Variants in EYS observed in about 807,000 individuals in gnomAD.
EYS encodes the protein EGF-like photoreceptor maintenance factor.
Under a neutral mutation model 282.1 loss-of-function variants are expected in EYS, and 250 were observed. That is an observed-to-expected ratio of 0.89 (90% CI 0.80 to 0.98). The LOEUF is 0.98. Ranked by LOEUF, EYS falls within the 50% of genes least tolerant of loss-of-function variation. The pLI, the probability that EYS is intolerant of heterozygous loss-of-function variation, is 0.00. For synonymous variants in EYS, 1,355 were observed against 1,282.9 expected (o/e 1.06, Z -1.20); for missense variants, 4,016 against 3,709.0 (o/e 1.08, Z -2.15).
Position 64,734,788 on chromosome 6 carries a change from A to G in EYS, c.3443+78590T>C, listed in dbSNP as rs74926895. On this transcript the variant is annotated intron_variant, in intron 22 of 42. Coordinates refer to ENST00000503581, the MANE Select transcript of EYS (RefSeq NM_001142800.2). ...GGAAGGGGTATTACTGTGCCCTCTC[A>G]GAAATAAAGAACAAAATCAAGAACA... Among the ~76,000 whole-genome samples, 3 of 152,314 alleles carry G rather than the reference A, an allele frequency of 2.0e-5. No homozygotes were observed. The East Asian group carries it at 5.8e-4, about 29-fold the overall frequency.
intron 12 of EYS, among the ~76,000 whole-genome samples, chr6:65,126,055 T>C (rs576376546): frequency 6.6e-6 from 1 of 152,258 alleles, no homozygotes; most frequent in South Asian, 2.1e-4. Flanking sequence ...CTTCTGCAAG[T>C]TTGTGAATTG....
At chr6:65,600,457 T>C (rs1765577258) in intron 2 of EYS, among the ~76,000 whole-genome samples, 1 of 152,022 alleles carries the variant, frequency 6.6e-6, no homozygotes, top group Non-Finnish European at 1.5e-5. Context: ...TAATCCTAAA[T>C]TAAATGTCAA....
chr6:64,470,205 T>C (rs923446098), intron 26 of EYS, among the ~76,000 whole-genome samples: 17 of 152,168 alleles, frequency 1.1e-4, no homozygotes, highest in African/African-American at 3.9e-4. Flanking sequence ...TCTTGTGTCT[T>C]TATTTCTACG....
chr6:64,131,313 T>C (rs1053690795), intron 31 of EYS, among the ~76,000 whole-genome samples: 3 of 152,366 alleles, frequency 2.0e-5, no homozygotes, highest in East Asian at 1.9e-4. Flanking sequence ...TTTATATGCA[T>C]TGATTTATTT....
chr6:63,989,635 A>G (rs1467446253), intron 34 of EYS, among the ~76,000 whole-genome samples: 2 of 134,406 alleles, frequency 1.5e-5, no homozygotes, highest in African/African-American at 5.8e-5. Flanking sequence ...TGAAAATAGA[A>G]AGTTTTATAC....
At chr6:64,181,123 A>C (rs377579224) in intron 31 of EYS, among the ~76,000 whole-genome samples, 2 of 152,304 alleles carry the variant, frequency 1.3e-5, no homozygotes, top group South Asian at 4.1e-4. Flanking sequence ...CATATAAAAC[A>C]AGTGAAGAAA....
At chr6:64,193,452 G>A (rs1429362651) in intron 31 of EYS, among the ~76,000 whole-genome samples, 1 of 151,538 alleles carries the variant, frequency 6.6e-6, no homozygotes, top group African/African-American at 2.4e-5. Context: ...CTGAGACTAC[G>A]GGAGCCTGCC....
chr6:63,978,763 C>G (rs1203267159), intron 35 of EYS, among the ~76,000 whole-genome samples: 1 of 151,916 alleles, frequency 6.6e-6, no homozygotes, highest in African/African-American at 2.4e-5. Flanking sequence ...ACAGTTCTTA[C>G]TATTGCAATT....
intron 8 of EYS, among the ~76,000 whole-genome samples, chr6:65,356,150 TGG>T (rs1582179863): frequency 6.6e-6 from 1 of 151,936 alleles, no homozygotes; most frequent in East Asian, 1.9e-4. Flanking sequence ...ATACACACAA[TGG>T]AATACTATTT....
intron 26 of EYS, among the ~76,000 whole-genome samples, chr6:64,544,178 C>G (rs1224013296): frequency 1.3e-5 from 2 of 152,144 alleles, no homozygotes; most frequent in Non-Finnish European, 2.9e-5. Context: ...AAAACCACAG[C>G]CTTCTACTCG....
At chr6:64,096,714 G>A (rs193287042) in intron 31 of EYS, among the ~76,000 whole-genome samples, 45 of 152,164 alleles carry the variant, frequency 3.0e-4, no homozygotes, top group Admixed American at 1.8e-3. Context: ...CTTTTAGCTC[G>A]GTGTAGTTTG....
chr6:64,344,973 C>G (rs1432535657), intron 29 of EYS, among the ~76,000 whole-genome samples: 6 of 152,100 alleles, frequency 3.9e-5, no homozygotes, highest in Middle Eastern at 3.4e-3. Flanking sequence ...AATAAAATAC[C>G]TAGGAATCCA....
chr6:65,403,752 C>A lies in EYS; in HGVS notation c.1057-1147G>T, dbSNP rs1020470945. 2.0e-5 allele frequency among the ~76,000 whole-genome samples: 3 copies of A among 151,810 alleles called. No homozygotes were observed. In the South Asian group the frequency reaches 6.3e-4, roughly 32 times the overall value. On this transcript the variant is annotated intron_variant, in intron 6 of 42. Coordinates refer to ENST00000503581, the MANE Select transcript of EYS (RefSeq NM_001142800.2). ...AGAGAAGAAAAATAGAATTAAAGTA[C>A]TTCTATGAATTAATAGTTAAGCATA...
intron 5 of EYS, among the ~76,000 whole-genome samples, chr6:65,408,229 A>G (rs1031299705): frequency 2.6e-5 from 4 of 152,058 alleles, no homozygotes; most frequent in Admixed American, 6.6e-5. Context: ...CTTTATTCAT[A>G]AGTGATATTG....
At chr6:65,115,561 A>T (rs1183442312) in intron 12 of EYS, among the ~76,000 whole-genome samples, 1 of 152,134 alleles carries the variant, frequency 6.6e-6, no homozygotes, top group African/African-American at 2.4e-5. Context: ...TTTATATATT[A>T]CATCTTATCT....
chr6:65,702,718 AAAT>A (rs1296730915), intron 1 of EYS, among the ~76,000 whole-genome samples: 1 of 151,658 alleles, frequency 6.6e-6, no homozygotes, highest in Admixed American at 6.6e-5. Context: ...ATAAATAAAT[AAAT>A]AATAAAATAA....
chr6:64,225,185 CTTCCCTCAATTTGATG>C lies in EYS; in HGVS notation c.6424+5391_6424+5406del, dbSNP rs536736423. ...ACATTTTCTAAGCTGATTTCATTTA[CTTCCCTCAATTTGATG>C]AACACTAGATATCCACTCAATAGGT... On this transcript the variant is annotated intron_variant, in intron 31 of 42. Coordinates refer to ENST00000503581, the MANE Select transcript of EYS (RefSeq NM_001142800.2). 3.9e-4 allele frequency among the ~76,000 whole-genome samples: 60 copies of C among 152,186 alleles called. No individual in the cohort carries two copies. In the East Asian group the frequency reaches 0.01, roughly 26 times the overall value.
intron 31 of EYS, among the ~76,000 whole-genome samples, chr6:64,198,833 C>T (rs901328916): frequency 3.9e-5 from 6 of 152,000 alleles, no homozygotes; most frequent in Admixed American, 6.6e-5. Context: ...ATCCTTTGAG[C>T]GTATACCCAG....
At chr6:64,981,954 A>T (rs1358866126) in intron 14 of EYS, among the ~76,000 whole-genome samples, 1 of 151,306 alleles carries the variant, frequency 6.6e-6, no homozygotes, top group Non-Finnish European at 1.5e-5. Flanking sequence ...AAAGTACCTC[A>T]CTGTAGGAAG....
Sources: allele counts gnomAD v4.1 joint callset (sites outside exome capture counted in the v4.1 genomes callset), GRCh38; gene constraint gnomAD v4.1.1; transcripts MANE v1.5; gene names NCBI Gene and HGNC (gene_info 2026-07-23, HGNC 2026-07-21).